ALK: variants seen among roughly 807,000 people sequenced by gnomAD.
ALK encodes ALK tyrosine kinase receptor.
In ALK, 74 loss-of-function variants were observed where a neutral mutation model predicts 163.1. The observed-to-expected ratio is 0.45, with a 90% CI of 0.38 to 0.55. The LOEUF (loss-of-function observed/expected upper bound fraction) is 0.55. Among genes scored for constraint, ALK ranks in the 20% least tolerant of loss-of-function variants. The probability of loss-of-function intolerance (pLI) is 0.00; values close to 1 mark genes in which losing one functional copy is unlikely to be tolerated. For synonymous variants in ALK, 960 were observed against 843.2 expected, an observed-to-expected ratio of 1.14 and a Z score of -2.40; for missense variants, 2,063 against 2,105.3, an observed-to-expected ratio of 0.98 and a Z score of 0.39.
chr2:29,498,311 G>C (rs1672083336), intron 4 of ALK, among the ~76,000 whole-genome samples: 1 of 152,110 alleles, frequency 6.6e-6, no homozygotes, highest in South Asian at 2.1e-4. Context: ...ACTTAGGCAA[G>C]GAAATACACT....
intron 1 of ALK, among the ~76,000 whole-genome samples, chr2:29,850,166 C>A (rs1459468383): frequency 6.6e-6 from 1 of 152,158 alleles, no homozygotes; most frequent in African/African-American, 2.4e-5. Flanking sequence ...AATCAATCTA[C>A]AACTACAGGC....
At chr2:29,604,163 G>GTTTTTTTTT (rs34399929) in intron 3 of ALK, among the ~76,000 whole-genome samples, 15 of 138,168 alleles carry the variant, frequency 1.1e-4, no homozygotes, top group Admixed American at 3.6e-4. Context: ...GAATAGAGAA[G>GTTTTTTTTT]TTTTTTTTTT....
intron 3 of ALK, among the ~76,000 whole-genome samples, chr2:29,561,351 A>T (rs1043783543): frequency 1.3e-5 from 2 of 152,136 alleles, no homozygotes; most frequent in Non-Finnish European, 2.9e-5. Flanking sequence ...AGAAGATGCT[A>T]AAAAAGGGGG....
intron 4 of ALK, among the ~76,000 whole-genome samples, chr2:29,525,509 G>T (rs547068740): frequency 1.3e-5 from 2 of 151,952 alleles, no homozygotes; most frequent in Non-Finnish European, 2.9e-5. Context: ...GATGAGACTC[G>T]GGCCGGGTGC....
chr2:29,469,632 G>C (rs999203992), intron 4 of ALK, among the ~76,000 whole-genome samples: 1 of 152,176 alleles, frequency 6.6e-6, no homozygotes, highest in South Asian at 2.1e-4. Flanking sequence ...AGCCACAAAG[G>C]GTTTGACTTC....
intron 8 of ALK, among the ~76,000 whole-genome samples, chr2:29,315,594 G>T (rs1666811198): frequency 1.3e-5 from 2 of 152,142 alleles, no homozygotes; most frequent in Admixed American, 6.5e-5. Context: ...CAAGGATAGG[G>T]TTTAAAAATG....
intron 2 of ALK, among the ~76,000 whole-genome samples, chr2:29,711,945 T>G (rs1434225505): frequency 6.6e-6 from 1 of 152,208 alleles, no homozygotes; most frequent in Admixed American, 6.5e-5. Context: ...CATTCTCTTA[T>G]TATATTTTAT....
intron 3 of ALK, among the ~76,000 whole-genome samples, chr2:29,621,605 G>A (rs1024095173): frequency 3.3e-5 from 5 of 152,336 alleles, no homozygotes; most frequent in South Asian, 2.1e-4. Context: ...GCACAAAGAC[G>A]TCTCATCATG....
chr2:29,888,264 A>ATTTTTTTTTTTTT, intron 1 of ALK, among the ~76,000 whole-genome samples: 1 of 142,288 alleles, frequency 7.0e-6, no homozygotes, highest in African/African-American at 2.7e-5. Flanking sequence ...TTTTTTTTAA[A>ATTTTTTTTTTTTT]AAAAGGGAAA....
rs540439501 is a variant in ALK at position 29,774,010 on chromosome 2, C to T, written c.668-56313G>A. On this transcript the variant is annotated intron_variant, in intron 1 of 28. Coordinates refer to ENST00000389048, the MANE Select transcript of ALK (RefSeq NM_004304.5). ...AAGTTCTAAAAGATATAAATAAGACCCTTGCCCATCGATGCTCAGAGCTGT... is the reference window on the plus strand; with the variant it reads ...AAGTTCTAAAAGATATAAATAAGACTCTTGCCCATCGATGCTCAGAGCTGT... Among the ~76,000 whole-genome samples, 9 of 152,114 alleles carry T rather than the reference C, an allele frequency of 5.9e-5. No homozygotes were observed. The South Asian group carries it at 1.9e-3, about 32-fold the overall frequency.
At chr2:29,387,383 A>G (rs1425391597) in intron 4 of ALK, among the ~76,000 whole-genome samples, 1 of 152,196 alleles carries the variant, frequency 6.6e-6, no homozygotes, top group Non-Finnish European at 1.5e-5. Flanking sequence ...CAGAGTGCCT[A>G]TATTATAATG....
At chr2:29,481,475 A>C (rs1671657966) in intron 4 of ALK, among the ~76,000 whole-genome samples, 1 of 152,178 alleles carries the variant, frequency 6.6e-6, no homozygotes, top group Non-Finnish European at 1.5e-5. Flanking sequence ...TATACATATT[A>C]TGTTATCAGC....
intron 23 of ALK, among the ~76,000 whole-genome samples, chr2:29,216,730 G>A (rs557237159): frequency 3.9e-4 from 58 of 148,630 alleles, no homozygotes; most frequent in African/African-American, 1.4e-3. Flanking sequence ...GTGTGTATAT[G>A]TGTTTGTGTT....
chr2:29,646,031 C>T (rs548210455), intron 3 of ALK, among the ~76,000 whole-genome samples: 10 of 152,194 alleles, frequency 6.6e-5, no homozygotes, highest in East Asian at 1.9e-4. Flanking sequence ...TATCTTCAGC[C>T]GAGACCACTG....
At chr2:29,497,969 ATAAG>A (rs1423788206) in intron 4 of ALK, among the ~76,000 whole-genome samples, 1 of 152,224 alleles carries the variant, frequency 6.6e-6, no homozygotes, top group Non-Finnish European at 1.5e-5. Flanking sequence ...ATTACTTATA[ATAAG>A]TAATAATAGT....
chr2:29,807,404 C>A (rs1381806836), intron 1 of ALK, among the ~76,000 whole-genome samples: 2 of 152,176 alleles, frequency 1.3e-5, no homozygotes, highest in Non-Finnish European at 1.5e-5. Flanking sequence ...TGGCAGCCCT[C>A]AGGAAGAGGG....
chr2:29,387,844 C>T (rs1352794641), intron 4 of ALK, among the ~76,000 whole-genome samples: 1 of 152,198 alleles, frequency 6.6e-6, no homozygotes, highest in Non-Finnish European at 1.5e-5. Flanking sequence ...GAGTTACCTG[C>T]AGACTTAGGA....
intron 3 of ALK, among the ~76,000 whole-genome samples, chr2:29,667,194 A>G (rs969458473): frequency 1.3e-5 from 2 of 152,082 alleles, no homozygotes; most frequent in Admixed American, 6.6e-5. Flanking sequence ...TTGGATATAC[A>G]CCCAGTAGTT....
chr2:29,453,415 T>A (rs1372498351), intron 4 of ALK, among the ~76,000 whole-genome samples: 3 of 152,088 alleles, frequency 2.0e-5, no homozygotes, highest in Non-Finnish European at 4.4e-5. Context: ...TTTAATTTTT[T>A]GGTAGAGACG....
Sources: gnomAD v4.1 joint callset for allele counts (sites outside exome capture counted in the v4.1 genomes callset) on GRCh38, gnomAD v4.1.1 for gene constraint, MANE v1.5 for transcripts, NCBI Gene and HGNC (gene_info 2026-07-23, HGNC 2026-07-21) for gene names.